The following AMBRA1 variants were observed in gnomAD, a reference collection of about 807,000 sequenced individuals.
AMBRA1 encodes the protein activating molecule in BECN1-regulated autophagy protein 1.
Under a neutral mutation model 125.4 loss-of-function variants are expected in AMBRA1, and 47 were observed. The ratio of observed to expected loss-of-function variants is 0.37; its 90% CI spans 0.30 to 0.48. The LOEUF is 0.48. Among genes scored for constraint, AMBRA1 ranks in the 20% least tolerant of loss-of-function variants. The pLI is 0.99. For missense variants in AMBRA1, 1,331 were observed against 1,693.4 expected (o/e 0.79, Z 3.76); for synonymous variants, 626 against 655.5 (o/e 0.95, Z 0.69).
intron 11 of AMBRA1, among the ~76,000 whole-genome samples, chr11:46,444,390 G>T (rs1948174776): frequency 6.6e-6 from 1 of 151,984 alleles, no homozygotes; most frequent in Non-Finnish European, 1.5e-5. Flanking sequence ...ATAAAAAATG[G>T]ATTTTTTTAA....
At chr11:46,426,076 A>T (rs919349769) in intron 14 of AMBRA1, among the ~76,000 whole-genome samples, 2 of 152,046 alleles carry the variant, frequency 1.3e-5, no homozygotes, top group Non-Finnish European at 2.9e-5. Context: ...AAAATAAAAA[A>T]AAAAAAAAAA....
At chr11:46,540,829 T>C (rs968328327) in intron 7 of AMBRA1, among the ~76,000 whole-genome samples, 12 of 152,232 alleles carry the variant, frequency 7.9e-5, no homozygotes, top group Non-Finnish European at 1.5e-4. Context: ...AATAACACTG[T>C]AGACTCAGGT....
intron 11 of AMBRA1, among the ~76,000 whole-genome samples, chr11:46,466,776 G>A (rs1237203385): frequency 6.6e-6 from 1 of 152,048 alleles, no homozygotes; most frequent in Non-Finnish European, 1.5e-5. Context: ...GGCTAATAAA[G>A]TTAAATGGCA....
chr11:46,409,991 G>A (rs1298169011), intron 16 of AMBRA1, among the ~76,000 whole-genome samples: 1 of 152,220 alleles, frequency 6.6e-6, no homozygotes, highest in Non-Finnish European at 1.5e-5. Flanking sequence ...CCTTCTCCAG[G>A]CCCTATCTTC....
At chr11:46,555,277 C>T (rs2043129257) in intron 1 of AMBRA1, among the ~76,000 whole-genome samples, 1 of 152,124 alleles carries the variant, frequency 6.6e-6, no homozygotes, top group Admixed American at 6.6e-5. Context: ...TATGCCACAA[C>T]CCAGTGGGAA....
intron 11 of AMBRA1, among the ~76,000 whole-genome samples, chr11:46,482,822 AAC>A (rs1950125370): frequency 6.6e-6 from 1 of 152,024 alleles, no homozygotes; most frequent in Middle Eastern, 3.2e-3. Context: ...CAGCCTGGCC[AAC>A]ACAGTGAAAC....
intron 14 of AMBRA1, among the ~76,000 whole-genome samples, chr11:46,422,982 CTG>C (rs1434282313): frequency 2.0e-5 from 3 of 152,086 alleles, no homozygotes; most frequent in Non-Finnish European, 4.4e-5. Context: ...AAGAAAGGAA[CTG>C]TGAGGAGGAA....
intron 7 of AMBRA1, among the ~76,000 whole-genome samples, chr11:46,515,473 AAAACAAACAAACAAAC>A (rs147206577): frequency 6.6e-6 from 1 of 151,260 alleles, no homozygotes; most frequent in Non-Finnish European, 1.5e-5. Flanking sequence ...ACTGCATCTC[AAAACAAACAAACAAAC>A]AAACAAACAA....
chr11:46,495,933 G>A (rs1454495464), intron 9 of AMBRA1, among the ~76,000 whole-genome samples: 1 of 152,196 alleles, frequency 6.6e-6, no homozygotes, highest in East Asian at 1.9e-4. Context: ...GCGGGGGAAA[G>A]GGTGGAGGCC....
chr11:46,452,029 T>G (rs1407739534), intron 11 of AMBRA1: 1 of 152,316 alleles, frequency 6.6e-6, no homozygotes, highest in Admixed American at 6.6e-5. Flanking sequence ...AATATCTAGA[T>G]AGAGGTGATG....
intron 11 of AMBRA1, among the ~76,000 whole-genome samples, chr11:46,452,688 G>A (rs945034141): frequency 6.6e-6 from 1 of 151,986 alleles, no homozygotes; most frequent in Non-Finnish European, 1.5e-5. Flanking sequence ...CTAAGAAAGG[G>A]GTATAACTAA....
chr11:46,520,200 C>T (rs887331090), intron 7 of AMBRA1, among the ~76,000 whole-genome samples: 2 of 151,308 alleles, frequency 1.3e-5, no homozygotes, highest in Admixed American at 6.6e-5. Flanking sequence ...TGGGTTTCCA[C>T]TATCAATATT....
intron 9 of AMBRA1, among the ~76,000 whole-genome samples, chr11:46,501,065 G>A (rs1020644435): frequency 1.3e-5 from 2 of 152,192 alleles, no homozygotes; most frequent in African/African-American, 4.8e-5. Context: ...TTACAGTCTA[G>A]CCACACCTAT....
intron 1 of AMBRA1, among the ~76,000 whole-genome samples, chr11:46,560,730 A>G (rs898588591): frequency 6.6e-6 from 1 of 152,220 alleles, no homozygotes; most frequent in Non-Finnish European, 1.5e-5. Context: ...GTTTCAAGCT[A>G]TCAAAAGAAT....
At chr11:46,533,613 T>G (rs980682553) in intron 7 of AMBRA1, among the ~76,000 whole-genome samples, 3 of 152,194 alleles carry the variant, frequency 2.0e-5, no homozygotes, top group African/African-American at 7.2e-5. Context: ...TCACTCCTCC[T>G]TTTTGGTTCT....
intron 14 of AMBRA1, among the ~76,000 whole-genome samples, chr11:46,421,774 T>A (rs1359249241): frequency 1.3e-5 from 2 of 152,182 alleles, no homozygotes; most frequent in African/African-American, 4.8e-5. Context: ...GTTACGTAGC[T>A]CTGCTAATCC....
intron 1 of AMBRA1, among the ~76,000 whole-genome samples, chr11:46,588,827 T>C (rs952200297): frequency 2.6e-5 from 4 of 152,054 alleles, no homozygotes; most frequent in African/African-American, 9.7e-5. Flanking sequence ...TTCCATTCTT[T>C]AAATACAGAC....
chr11:46,457,217 A>C (rs1282451524), intron 11 of AMBRA1, among the ~76,000 whole-genome samples: 2 of 152,228 alleles, frequency 1.3e-5, no homozygotes, highest in Non-Finnish European at 2.9e-5. Flanking sequence ...TCTAATTCAA[A>C]GCCTGCTTCA....
intron 9 of AMBRA1, chr11:46,495,397 G>A (rs1385351833): frequency 6.6e-6 from 1 of 152,200 alleles, no homozygotes; most frequent in African/African-American, 2.4e-5. Flanking sequence ...GTCTATGATG[G>A]TTTTTATATC....
Sources: gnomAD v4.1 joint callset for allele counts (sites outside exome capture counted in the v4.1 genomes callset) on GRCh38, gnomAD v4.1.1 for gene constraint, MANE v1.5 for transcripts, NCBI Gene and HGNC (gene_info 2026-07-23, HGNC 2026-07-21) for gene names.